SGCD: variants seen among roughly 807,000 people sequenced by gnomAD.
The protein encoded by SGCD is delta-sarcoglycan.
A neutral mutation model predicts 36.6 loss-of-function variants in SGCD; 18 were observed. That is an observed-to-expected ratio of 0.49 (90% CI 0.34 to 0.73). SGCD has a LOEUF of 0.73. SGCD is among the 30% of genes least tolerant of loss of function. The pLI, the probability that SGCD is intolerant of heterozygous loss-of-function variation, is 0.01. For synonymous variants in SGCD, 133 were observed against 130.6 expected (o/e 1.02, Z -0.12); for missense variants, 387 against 346.7 (o/e 1.12, Z -0.92).
the SGCD span, among the ~76,000 whole-genome samples, chr5:155,865,067 G>A: frequency 1.4e-5 from 2 of 147,498 alleles, no homozygotes; most frequent in Non-Finnish European, 3.0e-5. Context: ...TTTTATTTAT[G>A]TGGGTTATAC....
At chr5:156,157,790 T>C (rs1434996968) in intron 3 of SGCD, among the ~76,000 whole-genome samples, 1 of 151,676 alleles carries the variant, frequency 6.6e-6, no homozygotes, top group Non-Finnish European at 1.5e-5. Flanking sequence ...TTGAATAGGG[T>C]TCTTTGTTTA....
Position 156,295,768 on chromosome 5 carries a change from A to G in SGCD, c.-43-33766A>G, listed in dbSNP as rs150823645. On this transcript the variant is annotated intron_variant, in intron 3 of 9. Transcript: ENST00000517913. ...ACTGGCAAACCCAATATTAGCTCTT[A>G]TTTAACCTATATCTATTTTATTCCT... is the stretch of plus-strand genomic sequence containing the variant. Among the ~76,000 whole-genome samples, 188 of 152,284 alleles carry G rather than the reference A, an allele frequency of 1.2e-3. 2 individuals are homozygous for G. Among genetic ancestry groups the G allele is most frequent in the African/African-American group, 4.1e-3 (169 of 41,558 alleles).
intron 4 of SGCD, among the ~76,000 whole-genome samples, chr5:156,547,837 T>C (rs1758643334): frequency 6.6e-6 from 1 of 152,224 alleles, no homozygotes; most frequent in Non-Finnish European, 1.5e-5. Flanking sequence ...AGTTACTATA[T>C]TTTTGGCTGC....
intron 1 of SGCD, among the ~76,000 whole-genome samples, chr5:155,948,941 A>G (rs1757499082): frequency 1.3e-5 from 2 of 152,318 alleles, no homozygotes; most frequent in Admixed American, 6.5e-5. Flanking sequence ...AATGCAGTTC[A>G]AACCAGAAGT....
chr5:156,368,756 T>G (rs533502604), intron 3 of SGCD, among the ~76,000 whole-genome samples: 1 of 152,332 alleles, frequency 6.6e-6, no homozygotes, highest in African/African-American at 2.4e-5. Flanking sequence ...GCACTCCTTA[T>G]GAGAATCTAA....
rs1315007408 is a variant in SGCD at position 156,764,309 on chromosome 5, C to G, written c.*4919C>G. 2 of 152,632 alleles carry G rather than the reference C, an allele frequency of 1.3e-5. No homozygotes were observed. The highest frequency in any genetic ancestry group is 4.8e-5 in the African/African-American group (2 of 41,446). The allele number at this position is 152,632 out of a possible 1,614,324, so 9.5% of individuals were successfully genotyped here. ...CGGCATTGGGATGTCAGATGCCTCT[C>G]TTTCTTTGTGGTAATCGGAATTTAA... On this transcript the variant is annotated 3_prime_UTR_variant, in exon 9 of 9. Transcript: ENST00000337851.
intron 7 of SGCD, among the ~76,000 whole-genome samples, chr5:156,701,741 C>T (rs1561865117): frequency 6.6e-6 from 1 of 152,134 alleles, no homozygotes; most frequent in South Asian, 2.1e-4. Flanking sequence ...GCGCAGACCT[C>T]AAAAAACAGT....
At chr5:156,511,423 T>C (rs1756922898) in intron 4 of SGCD, among the ~76,000 whole-genome samples, 1 of 152,204 alleles carries the variant, frequency 6.6e-6, no homozygotes, top group Admixed American at 6.5e-5. Flanking sequence ...TTAGCTTCAT[T>C]ATACAAATTG....
At chr5:156,359,985 T>G in intron 3 of SGCD, among the ~76,000 whole-genome samples, 1 of 152,194 alleles carries the variant, frequency 6.6e-6, no homozygotes, top group South Asian at 2.1e-4. Flanking sequence ...TTGGTTCATT[T>G]TCCATTTGAC....
rs145675001 is a variant in SGCD at position 156,379,448 on chromosome 5, A to C, written c.192+34771A>C. 1.2e-3 allele frequency among the ~76,000 whole-genome samples: 183 copies of C among 152,316 alleles called. 1 individual carries two copies. Among genetic ancestry groups the C allele is most frequent in the African/African-American group, 3.9e-3 (164 of 41,588 alleles). ...ACACGCCATATGGATGGTGTGTTCA[A>C]GAAACAGAAAGAAGTGTCCTTCTGT... On this transcript the variant is annotated intron_variant, in intron 3 of 8. Coordinates refer to ENST00000337851, the MANE Select transcript of SGCD (RefSeq NM_000337.6).
chr5:156,055,362 T>G (rs116456269), intron 1 of SGCD, among the ~76,000 whole-genome samples: 2,958 of 146,322 alleles, frequency 0.02, 465 homozygotes, highest in Non-Finnish European at 0.033. Flanking sequence ...CCAAAGAACA[T>G]CAGAGAAAAC....
the SGCD span, among the ~76,000 whole-genome samples, chr5:155,729,432 A>G: frequency 6.6e-6 from 1 of 152,172 alleles, no homozygotes; most frequent in Non-Finnish European, 1.5e-5. Context: ...TGAGAGAGAA[A>G]GAGACAGAGA....
At chr5:156,076,695 A>C (rs1234069249) in intron 1 of SGCD, among the ~76,000 whole-genome samples, 1 of 152,132 alleles carries the variant, frequency 6.6e-6, no homozygotes, top group Non-Finnish European at 1.5e-5. Flanking sequence ...CAGGTATTTT[A>C]ATTTTTATTC....
intron 7 of SGCD, among the ~76,000 whole-genome samples, chr5:156,720,175 C>T (rs551257971): frequency 2.4e-4 from 37 of 152,200 alleles, no homozygotes; most frequent in Admixed American, 1.7e-3. Flanking sequence ...GAACAGTCAC[C>T]GAGCATCAAT....
intron 3 of SGCD, among the ~76,000 whole-genome samples, chr5:156,460,704 T>G (rs1329235073): frequency 6.6e-6 from 1 of 152,154 alleles, no homozygotes; most frequent in Non-Finnish European, 1.5e-5. Flanking sequence ...GGTGACTCAC[T>G]CTAGTATACC....
chr5:155,998,909 G>A (rs866254908), intron 1 of SGCD, among the ~76,000 whole-genome samples: 8 of 152,120 alleles, frequency 5.3e-5, no homozygotes, highest in Admixed American at 1.3e-4. Context: ...AGAAGTAAAC[G>A]TCCAAGCAGT....
chr5:156,193,268 C>A (rs887797712), intron 3 of SGCD, among the ~76,000 whole-genome samples: 1 of 152,184 alleles, frequency 6.6e-6, no homozygotes, highest in East Asian at 1.9e-4. Context: ...ACCCTGCTTA[C>A]TCTCCTCTTG....
chr5:156,754,614 T>C (rs3898659), intron 7 of SGCD, among the ~76,000 whole-genome samples: 6,674 of 152,280 alleles, frequency 0.044, 490 homozygotes, highest in African/African-American at 0.15. Flanking sequence ...AAACAAATAT[T>C]AGCTTTGGAG....
At chr5:156,441,969 CCTT>C (rs1753512149) in intron 3 of SGCD, among the ~76,000 whole-genome samples, 1 of 152,108 alleles carries the variant, frequency 6.6e-6, no homozygotes, top group African/African-American at 2.4e-5. Flanking sequence ...GAAGTTAACT[CCTT>C]ATCCAAGGAA....
Sources: allele counts gnomAD v4.1 joint callset (sites outside exome capture counted in the v4.1 genomes callset), GRCh38; gene constraint gnomAD v4.1.1; transcripts MANE v1.5; gene names NCBI Gene and HGNC (gene_info 2026-07-23, HGNC 2026-07-21).